The following ABCG2 variants were observed in gnomAD, a reference collection of about 807,000 sequenced individuals.
ABCG2 encodes broad substrate specificity ATP-binding cassette transporter ABCG2.
A neutral mutation model predicts 73.5 loss-of-function variants in ABCG2; 80 were observed. The observed-to-expected ratio is 1.09, with a 90% CI of 0.91 to 1.31. The LOEUF (loss-of-function observed/expected upper bound fraction) is 1.31, where lower values mean the gene tolerates loss of function less well. Among genes scored for constraint, ABCG2 ranks in the 50% most tolerant of loss-of-function variants. The probability of loss-of-function intolerance (pLI) is 0.00; values close to 1 mark genes in which losing one functional copy is unlikely to be tolerated. For missense variants in ABCG2, 796 were observed against 786.2 expected, an observed-to-expected ratio of 1.01 and a Z score of -0.15; for synonymous variants, 269 against 282.4, an observed-to-expected ratio of 0.95 and a Z score of 0.48.
chr4:88,102,268 T>C lies in ABCG2; in HGVS notation c.1278-949A>G, dbSNP rs114320403. The stretch of plus-strand genomic sequence containing the variant: ...GTATCGTAATGAAAAGGAACACTAT[T>C]AGTGCTTGTTTCTCAGTGAAGTAAC... On this transcript the variant is annotated intron_variant, in intron 10 of 15. Transcript: ENST00000237612. Among the ~76,000 whole-genome samples the C allele has an allele frequency of 4.9e-3, 747 of 152,254 alleles. 4 individuals are homozygous for C. The highest frequency in any genetic ancestry group is 0.017 in the African/African-American group (722 of 41,550).
chr4:88,113,947 G>C (rs144435575), intron 8 of ABCG2, among the ~76,000 whole-genome samples: 2 of 151,872 alleles, frequency 1.3e-5, no homozygotes, highest in Admixed American at 1.3e-4. Flanking sequence ...CTGTGCAAGA[G>C]AGCAAGACTC....
intron 5 of ABCG2, among the ~76,000 whole-genome samples, chr4:88,129,053 G>C (rs1030933202): frequency 1.3e-5 from 2 of 152,118 alleles, no homozygotes; most frequent in African/African-American, 2.4e-5. Context: ...ATAAAGTCAG[G>C]AGAAGAAAAT....
intron 1 of ABCG2, among the ~76,000 whole-genome samples, chr4:88,153,235 T>C (rs1293394878): frequency 2.0e-5 from 3 of 151,064 alleles, no homozygotes; most frequent in Non-Finnish European, 4.4e-5. Context: ...AGAGCGGGCA[T>C]GTATGAGTAG....
rs62310594 is a variant in ABCG2 at position 88,154,626 on chromosome 4, C to T, written c.-20+3760G>A. Among the ~76,000 whole-genome samples the T allele has an allele frequency of 4.9e-3, 752 of 152,044 alleles. 2 individuals are homozygous for T. Among genetic ancestry groups the T allele is most frequent in the Non-Finnish European group, 8.5e-3 (577 of 67,994 alleles). The stretch of plus-strand genomic sequence containing the variant: ...GAGGAACAGGAAAGAAGGAAATATG[C>T]GGAAATGGGGTGAATGCCCGGTGGA... On this transcript the variant is annotated intron_variant, in intron 1 of 15. Coordinates refer to ENST00000237612, the MANE Select transcript of ABCG2 (RefSeq NM_004827.3).
chr4:88,182,786 A>T (rs1227943689), intron 1 of ABCG2, among the ~76,000 whole-genome samples: 2 of 152,146 alleles, frequency 1.3e-5, no homozygotes, highest in Non-Finnish European at 2.9e-5. Flanking sequence ...ATGCACCTAC[A>T]TAAAAAGGTA....
intron 15 of ABCG2, among the ~76,000 whole-genome samples, chr4:88,092,657 AG>A (rs895553422): frequency 6.6e-6 from 1 of 152,240 alleles, no homozygotes; most frequent in African/African-American, 2.4e-5. Context: ...GAACTTGACC[AG>A]GTTTACAGAG....
At chr4:88,113,734 G>A (rs545724162) in intron 8 of ABCG2, among the ~76,000 whole-genome samples, 181 bp from the exon 9 acceptor site, 8 of 151,808 alleles carry the variant, frequency 5.3e-5, no homozygotes, top group South Asian at 4.2e-4. Context: ...AGGCTGAGGC[G>A]GGTGGATTAC....
chr4:88,159,155 A>G (rs770135671), upstream of ABCG2: 47 of 456,316 alleles, frequency 1.0e-4, no homozygotes, highest in Middle Eastern at 6.5e-4. Flanking sequence ...GGAATGAACC[A>G]GAGTGATTAA....
chr4:88,180,787 A>T (rs773345410), intron 1 of ABCG2, among the ~76,000 whole-genome samples: 3 of 152,048 alleles, frequency 2.0e-5, no homozygotes, highest in Non-Finnish European at 2.9e-5. Context: ...GAAAAAGAAG[A>T]AAAGAATGTT....
intron 2 of ABCG2, among the ~76,000 whole-genome samples, chr4:88,139,125 A>T (rs534435474): frequency 6.9e-4 from 104 of 150,056 alleles, no homozygotes; most frequent in African/African-American, 2.5e-3. Flanking sequence ...TGGGTGATAG[A>T]GCGAGACTCC....
rs530663423 is a variant in ABCG2, at chr4:88,230,843, C to T, written c.-20+151G>A. Among the ~76,000 whole-genome samples, 21 of 152,174 alleles carry T rather than the reference C, an allele frequency of 1.4e-4. No individual in the cohort carries two copies. In the South Asian group the frequency reaches 4.2e-3, roughly 30 times the overall value. On this transcript the variant is annotated intron_variant, in intron 1 of 15. Coordinates refer to the ABCG2 transcript ENST00000515655. The stretch of plus-strand genomic sequence containing the variant: ...GGCCCCCTGAGTTCTGCAGAGCCTG[C>T]GTTTCAGCAAGATCTCCAGGTGATA...
intron 4 of ABCG2, 87 bp from the exon 5 acceptor site, chr4:88,131,300 C>T: frequency 7.4e-7 from 1 of 1,358,998 alleles, no homozygotes; most frequent in Non-Finnish European, 1.0e-6. Context: ...ACATAATCCA[C>T]AAAGATAACA....
intron 12 of ABCG2, among the ~76,000 whole-genome samples, chr4:88,098,713 T>C (rs1403485269): frequency 2.0e-5 from 3 of 147,314 alleles, no homozygotes; most frequent in Non-Finnish European, 4.5e-5. Context: ...AGATAGGCTA[T>C]AAATATCCCA....
chr4:88,097,700 G>C, intron 12 of ABCG2, 93 bp from the exon 13 acceptor site: 4 of 1,332,992 alleles, frequency 3.0e-6, no homozygotes, highest in Non-Finnish European at 4.1e-6. Context: ...CTAATATTTT[G>C]AGAAACTAAT....
intron 9 of ABCG2, among the ~76,000 whole-genome samples, chr4:88,110,203 G>A (rs1723037908): frequency 6.6e-6 from 1 of 152,010 alleles, no homozygotes; most frequent in African/African-American, 2.4e-5. Flanking sequence ...CAGTGCCAAT[G>A]TATAATGTTT....
intron 1 of ABCG2, among the ~76,000 whole-genome samples, chr4:88,168,701 C>A (rs974269631): frequency 6.6e-6 from 1 of 152,054 alleles, no homozygotes; most frequent in African/African-American, 2.4e-5. Flanking sequence ...CTATAAAAGT[C>A]TTTTGTTTAA....
rs550558197 is a variant in ABCG2, at chr4:88,225,402, T to G, written c.-20+5592A>C. ...GTCACAGTTTGGCATTTTCAAAGGC[T>G]TGGAGGAAGGCAATGTGATAAGAAC... On this transcript the variant is annotated intron_variant, in intron 1 of 15. Transcript: ENST00000515655. Among the ~76,000 whole-genome samples, 10 of 152,294 alleles carry G rather than the reference T, an allele frequency of 6.6e-5. No individual in the cohort carries two copies. The East Asian group carries it at 1.9e-3, about 29-fold the overall frequency.
At chr4:88,127,740 A>G (rs1194370772) in intron 5 of ABCG2, among the ~76,000 whole-genome samples, 2 of 152,172 alleles carry the variant, frequency 1.3e-5, no homozygotes, top group Non-Finnish European at 2.9e-5. Flanking sequence ...CTGAAACTGG[A>G]CCACTTCCTT....
intron 9 of ABCG2, among the ~76,000 whole-genome samples, chr4:88,110,093 A>T (rs943956728): frequency 1.3e-5 from 2 of 152,136 alleles, no homozygotes; most frequent in African/African-American, 2.4e-5. Flanking sequence ...AGGACTACAG[A>T]CATGCACCAC....
Sources: gnomAD v4.1 joint callset for allele counts (sites outside exome capture counted in the v4.1 genomes callset) on GRCh38, gnomAD v4.1.1 for gene constraint, MANE v1.5 for transcripts, NCBI Gene and HGNC (gene_info 2026-07-23, HGNC 2026-07-21) for gene names.